The following ROBO2 variants were observed in gnomAD, a reference collection of about 807,000 sequenced individuals.
ROBO2 encodes the protein roundabout homolog 2.
In ROBO2, 53 loss-of-function variants were observed where a neutral mutation model predicts 160.8. The observed-to-expected ratio is 0.33, with a 90% CI of 0.26 to 0.41. The LOEUF (loss-of-function observed/expected upper bound fraction) is 0.41. ROBO2 is among the 10% of genes least tolerant of loss of function. The pLI is 1.00. For synonymous variants in ROBO2, 664 were observed against 611.7 expected, an observed-to-expected ratio of 1.09 and a Z score of -1.26; for missense variants, 1,577 against 1,722.4, an observed-to-expected ratio of 0.92 and a Z score of 1.49.
rs114515267 is a variant in ROBO2, at chr3:77,267,589, G to C, written c.388+169249G>C. On this transcript the variant is annotated intron_variant, in intron 2 of 25. Coordinates refer to ENST00000461745, the Ensembl canonical transcript of ROBO2. ...GAGGCAATTCTAGTGAGGAAAAGAT[G>C]GGTTGGCGTATGGGGCAGCAGTGAA... is the stretch of plus-strand genomic sequence containing the variant. Among the ~76,000 whole-genome samples, 333 of 152,296 alleles carry C rather than the reference G, an allele frequency of 2.2e-3. 1 individual carries two copies. Among genetic ancestry groups the C allele is most frequent in the African/African-American group, 7.6e-3 (317 of 41,576 alleles).
At chr3:77,393,977 C>A (rs2153503574) in intron 2 of ROBO2, among the ~76,000 whole-genome samples, 1 of 152,246 alleles carries the variant, frequency 6.6e-6, no homozygotes, top group East Asian at 1.9e-4. Context: ...GCTTATTTGA[C>A]CAAACAGTGG....
At chr3:76,362,514 G>A (rs1459838018) in intron 2 of ROBO2, among the ~76,000 whole-genome samples, 4 of 152,052 alleles carry the variant, frequency 2.6e-5, no homozygotes, top group Admixed American at 6.6e-5. Flanking sequence ...GTTAGCTTAG[G>A]TAAGGTGAAT....
At chr3:76,338,675 GCTT>G (rs1163156570) in intron 2 of ROBO2, among the ~76,000 whole-genome samples, 1 of 150,992 alleles carries the variant, frequency 6.6e-6, no homozygotes, top group African/African-American at 2.4e-5. Flanking sequence ...GCAAGATCAT[GCTT>G]CTTTTTTAAA....
chr3:76,008,105 A>T (rs936824577), intron 2 of ROBO2, among the ~76,000 whole-genome samples: 1 of 151,718 alleles, frequency 6.6e-6, no homozygotes, highest in African/African-American at 2.4e-5. Context: ...GTGGTAGTGG[A>T]TACCTTTAGT....
intron 2 of ROBO2, among the ~76,000 whole-genome samples, chr3:77,439,263 C>A (rs964715842): frequency 6.6e-6 from 1 of 151,886 alleles, no homozygotes; most frequent in Non-Finnish European, 1.5e-5. Context: ...TAATACAGAA[C>A]CTGGACTAAT....
chr3:77,516,176 C>T (rs757428679), intron 5 of ROBO2, among the ~76,000 whole-genome samples: 13 of 151,458 alleles, frequency 8.6e-5, no homozygotes, highest in African/African-American at 2.7e-4. Flanking sequence ...TGTTAAGAAA[C>T]GAGGAATAAA....
intron 2 of ROBO2, among the ~76,000 whole-genome samples, chr3:76,193,271 T>C (rs1702099662): frequency 6.6e-6 from 1 of 152,138 alleles, no homozygotes; most frequent in Non-Finnish European, 1.5e-5. Context: ...TTCAGATATG[T>C]TTCTGCTCTT....
intron 2 of ROBO2, among the ~76,000 whole-genome samples, chr3:76,508,742 A>T (rs1223773645): frequency 6.6e-6 from 1 of 152,196 alleles, no homozygotes; most frequent in Non-Finnish European, 1.5e-5. Flanking sequence ...CCAAATATTT[A>T]AAAAGATTCA....
Position 75,923,627 on chromosome 3 carries a change from G to T in ROBO2, c.-13-13854G>T, listed in dbSNP as rs184886851. Among the ~76,000 whole-genome samples, 391 of 152,316 alleles carry T rather than the reference G, an allele frequency of 2.6e-3. 3 individuals are homozygous for T. The highest frequency in any genetic ancestry group is 9.0e-3 in the African/African-American group (374 of 41,572). ...GCTGTAAAGTAGCGTACAATCAAGT[G>T]TGCAAGCCTGTGCAATACACACCAA... On this transcript the variant is annotated intron_variant, in intron 1 of 26. Coordinates refer to the ROBO2 transcript ENST00000487694.
At chr3:77,474,904 C>A (rs2083809380) in intron 2 of ROBO2, among the ~76,000 whole-genome samples, 1 of 152,122 alleles carries the variant, frequency 6.6e-6, no homozygotes, top group Non-Finnish European at 1.5e-5. Flanking sequence ...ACTTTTCTTA[C>A]ATTTATGAAT....
chr3:75,998,364 G>C (rs1240492837), intron 2 of ROBO2, among the ~76,000 whole-genome samples: 1 of 152,112 alleles, frequency 6.6e-6, no homozygotes, highest in Non-Finnish European at 1.5e-5. Context: ...CCCTCAGAAA[G>C]TTGTGACCAA....
rs566235392 is a variant in ROBO2, at chr3:76,439,041, G to A, written c.109+501439G>A. ...GTTGCTGCATAGACAATGGAGAAAG[G>A]ATAACTTTTTAAATGTGTTTTTCTA... is the stretch of plus-strand genomic sequence containing the variant. On this transcript the variant is annotated intron_variant, in intron 2 of 26. Coordinates refer to the ROBO2 transcript ENST00000487694. 7.2e-5 allele frequency among the ~76,000 whole-genome samples: 11 copies of A among 152,174 alleles called. No homozygotes were observed. The South Asian group carries it at 1.5e-3, about 20-fold the overall frequency.
At chr3:76,603,097 C>T (rs1007187653) in intron 2 of ROBO2, among the ~76,000 whole-genome samples, 10 of 151,438 alleles carry the variant, frequency 6.6e-5, no homozygotes, top group African/African-American at 1.5e-4. Flanking sequence ...TTTGGGAGGC[C>T]GAGGCGGGCA....
chr3:76,193,950 T>C (rs2107197675), intron 2 of ROBO2, among the ~76,000 whole-genome samples: 1 of 152,216 alleles, frequency 6.6e-6, no homozygotes, highest in Non-Finnish European at 1.5e-5. Context: ...ATAAGGAAGG[T>C]GAGTTTCAGG....
intron 2 of ROBO2, among the ~76,000 whole-genome samples, chr3:77,210,632 C>T (rs1409810557): frequency 1.3e-5 from 2 of 149,252 alleles, no homozygotes; most frequent in East Asian, 3.9e-4. Context: ...TACATGTGCA[C>T]AACGTGCAGG....
At position 76,610,246 on chromosome 3, in the gene ROBO2, G is replaced by A. The variant is rs1385179005; in HGVS notation, c.110-487768G>A. 3.3e-5 allele frequency among the ~76,000 whole-genome samples: 5 copies of A among 152,250 alleles called. No homozygotes were observed. The East Asian group carries it at 9.7e-4, about 30-fold the overall frequency. On this transcript the variant is annotated intron_variant, in intron 2 of 26. Transcript: ENST00000487694. ...AATGTTACAGGATTCCTTTGGAGCCGCTTCACCAGCCAGAAAGCTCTGCAG... is the reference window on the plus strand; with the variant it reads ...AATGTTACAGGATTCCTTTGGAGCCACTTCACCAGCCAGAAAGCTCTGCAG...
At chr3:76,895,648 C>A (rs2074709574) in intron 2 of ROBO2, among the ~76,000 whole-genome samples, 1 of 152,036 alleles carries the variant, frequency 6.6e-6, no homozygotes. Context: ...TCATAACTAG[C>A]AAAGCTAAGG....
intron 2 of ROBO2, among the ~76,000 whole-genome samples, chr3:77,202,604 T>G (rs754397337): frequency 9.2e-5 from 14 of 152,154 alleles, no homozygotes; most frequent in Admixed American, 2.6e-4. Flanking sequence ...AGTAATGAAA[T>G]CTAAGAAATC....
intron 2 of ROBO2, among the ~76,000 whole-genome samples, chr3:75,980,906 T>C (rs1465855530): frequency 1.7e-5 from 1 of 57,272 alleles, no homozygotes; most frequent in African/African-American, 3.7e-5. Flanking sequence ...CACATTGATG[T>C]TAAAATAAAT....
Sources: gnomAD v4.1 joint callset for allele counts (sites outside exome capture counted in the v4.1 genomes callset) on GRCh38, gnomAD v4.1.1 for gene constraint, MANE v1.5 for transcripts, NCBI Gene and HGNC (gene_info 2026-07-23, HGNC 2026-07-21) for gene names.